The following TAFA2 variants were observed in gnomAD, a reference collection of about 807,000 sequenced individuals.
TAFA2 encodes TAFA chemokine like family member 2.
A neutral mutation model predicts 18.8 loss-of-function variants in TAFA2; 7 were observed. That is an observed-to-expected ratio of 0.37 (90% CI 0.21 to 0.70). The LOEUF (loss-of-function observed/expected upper bound fraction) is 0.70. Among genes scored for constraint, TAFA2 ranks in the 30% least tolerant of loss-of-function variants. TAFA2 has a pLI of 0.53. For synonymous variants in TAFA2, 60 were observed against 54.2 expected (o/e 1.11, Z -0.47); for missense variants, 122 against 158.1 (o/e 0.77, Z 1.23).
At chr12:61,914,422 C>G (rs1592482527) in intron 1 of TAFA2, among the ~76,000 whole-genome samples, 1 of 152,196 alleles carries the variant, frequency 6.6e-6, no homozygotes, top group African/African-American at 2.4e-5. Flanking sequence ...TATGGAAGTT[C>G]AGGCAATCAC....
chr12:62,212,613 CT>C (rs2062718833), intron 1 of TAFA2, among the ~76,000 whole-genome samples: 1 of 152,204 alleles, frequency 6.6e-6, no homozygotes, highest in African/African-American at 2.4e-5. Context: ...TATGTGTCCT[CT>C]TTTCTTGGTA....
intron 1 of TAFA2, chr12:62,021,537 C>T: frequency 1.5e-6 from 1 of 666,866 alleles, no homozygotes. Flanking sequence ...AACATCCAGA[C>T]TCCAGAATAC....
At chr12:62,083,825 C>T (rs1317347925) in intron 1 of TAFA2, among the ~76,000 whole-genome samples, 1 of 152,098 alleles carries the variant, frequency 6.6e-6, no homozygotes, top group Non-Finnish European at 1.5e-5. Flanking sequence ...ATTAACATAT[C>T]TGCAACATTT....
intron 1 of TAFA2, among the ~76,000 whole-genome samples, chr12:62,019,067 T>C (rs1411531361): frequency 6.6e-6 from 1 of 152,228 alleles, no homozygotes; most frequent in East Asian, 1.9e-4. Context: ...AAAAGACACA[T>C]GAAAAATTGC....
chr12:61,806,514 C>G (rs891847930), intron 2 of TAFA2, among the ~76,000 whole-genome samples: 1 of 152,120 alleles, frequency 6.6e-6, no homozygotes, highest in Non-Finnish European at 1.5e-5. Context: ...TAAATTGATA[C>G]CGGTAGAGTG....
chr12:61,836,089 G>T (rs1012908558), intron 2 of TAFA2, among the ~76,000 whole-genome samples: 1 of 151,812 alleles, frequency 6.6e-6, no homozygotes, highest in Admixed American at 6.6e-5. Context: ...CATACTCTTG[G>T]TTGGTTAACT....
At chr12:61,722,135 C>T (rs77402211) in intron 4 of TAFA2, among the ~76,000 whole-genome samples, 4,033 of 151,940 alleles carry the variant, frequency 0.027, 167 homozygotes, top group African/African-American at 0.092. Context: ...TAGGCTCCGA[C>T]AATAGAGGGG....
intron 1 of TAFA2, among the ~76,000 whole-genome samples, chr12:62,211,946 T>A (rs1164327041): frequency 1.3e-5 from 2 of 152,230 alleles, no homozygotes; most frequent in Admixed American, 6.5e-5. Flanking sequence ...AGAACAATTA[T>A]AGTAACTATT....
chr12:61,997,191 GTA>G (rs763945776), intron 1 of TAFA2, among the ~76,000 whole-genome samples: 2,649 of 150,600 alleles, frequency 0.018, 45 homozygotes, highest in East Asian at 0.051. Flanking sequence ...GTGTGTGTGT[GTA>G]TATATATATA....
At chr12:62,112,814 G>A (rs1424923788) in intron 1 of TAFA2, among the ~76,000 whole-genome samples, 1 of 151,980 alleles carries the variant, frequency 6.6e-6, no homozygotes, top group East Asian at 1.9e-4. Flanking sequence ...TTCTCATGCT[G>A]TGTTTTTCAG....
At chr12:62,164,159 A>G (rs1305130824) in intron 1 of TAFA2, among the ~76,000 whole-genome samples, 1 of 152,152 alleles carries the variant, frequency 6.6e-6, no homozygotes, top group African/African-American at 2.4e-5. Flanking sequence ...ATCCTTCTGC[A>G]TAGCGCTCTT....
intron 1 of TAFA2, among the ~76,000 whole-genome samples, chr12:61,882,636 T>C (rs1875196853): frequency 6.6e-6 from 1 of 152,138 alleles, no homozygotes; most frequent in Admixed American, 6.5e-5. Flanking sequence ...GGTATCGTCT[T>C]TCAAATGTCA....
At chr12:62,084,866 A>G (rs1868388707) in intron 1 of TAFA2, among the ~76,000 whole-genome samples, 1 of 152,188 alleles carries the variant, frequency 6.6e-6, no homozygotes, top group South Asian at 2.1e-4. Context: ...CTTTCTCCCA[A>G]TGCTGAATAG....
At chr12:62,115,105 A>G (rs941698945) in intron 1 of TAFA2, among the ~76,000 whole-genome samples, 1 of 152,140 alleles carries the variant, frequency 6.6e-6, no homozygotes, top group African/African-American at 2.4e-5. Context: ...TCTTCCCTAT[A>G]ATTTGTCTAT....
intron 2 of TAFA2, among the ~76,000 whole-genome samples, chr12:61,839,452 C>A (rs1363648522): frequency 1.3e-5 from 2 of 152,004 alleles, no homozygotes; most frequent in African/African-American, 4.8e-5. Flanking sequence ...CATGCCCTTG[C>A]ATGTTTATCA....
chr12:62,047,136 A>C (rs887651588), intron 1 of TAFA2, among the ~76,000 whole-genome samples: 1 of 152,152 alleles, frequency 6.6e-6, no homozygotes, highest in Non-Finnish European at 1.5e-5. Context: ...CTGATTTAAT[A>C]ATAAGTAATA....
chr12:62,212,552 T>C (rs2062718498), intron 1 of TAFA2, among the ~76,000 whole-genome samples: 1 of 151,972 alleles, frequency 6.6e-6, no homozygotes, highest in Admixed American at 6.6e-5. Flanking sequence ...CTGACATCCA[T>C]GAAGGAAAAG....
upstream of TAFA2, among the ~76,000 whole-genome samples, chr12:62,197,729 C>T (rs1379973047): frequency 1.3e-5 from 2 of 152,074 alleles, no homozygotes; most frequent in African/African-American, 2.4e-5. Context: ...CAGGCTTCTT[C>T]CCATTGGAAT....
At position 61,710,238 on chromosome 12, in the gene TAFA2, T is replaced by C. The variant is rs1869330467; in HGVS notation, c.*168A>G. The C allele has an allele frequency of 4.9e-6, 3 of 613,006 alleles. No homozygotes were observed. The highest frequency in any genetic ancestry group is 8.7e-6 in the Non-Finnish European group (3 of 343,652). The allele number at this position is 613,006 out of a possible 1,614,324, so 38.0% of individuals were successfully genotyped here. On this transcript the variant is annotated 3_prime_UTR_variant, in exon 5 of 5. Coordinates refer to ENST00000416284, the MANE Select transcript of TAFA2 (RefSeq NM_178539.5). The stretch of plus-strand genomic sequence containing the variant: ...GACATGCAAGTTCATGTCTGACTTT[T>C]AAAAAGTCTTGATTTCAAGAAGAGG...
Sources: allele counts gnomAD v4.1 joint callset (sites outside exome capture counted in the v4.1 genomes callset), GRCh38; gene constraint gnomAD v4.1.1; transcripts MANE v1.5; gene names NCBI Gene and HGNC (gene_info 2026-07-23, HGNC 2026-07-21).